Variants in TSPAN31 observed in about 807,000 individuals in gnomAD.
The protein encoded by TSPAN31 is tetraspanin-31.
In TSPAN31, 16 loss-of-function variants were observed where a neutral mutation model predicts 24.8. The ratio of observed to expected loss-of-function variants is 0.64; its 90% CI spans 0.44 to 0.98. TSPAN31 has a LOEUF of 0.98. Ranked by LOEUF, TSPAN31 falls within the 50% of genes least tolerant of loss-of-function variation. The probability of loss-of-function intolerance (pLI) is 0.00; values close to 1 mark genes in which losing one functional copy is unlikely to be tolerated. For missense variants in TSPAN31, 209 were observed against 251.6 expected, an observed-to-expected ratio of 0.83 and a Z score of 1.15; for synonymous variants, 87 against 91.4, an observed-to-expected ratio of 0.95 and a Z score of 0.27.
rs1005616471 is a variant in TSPAN31, at chr12:57,747,406, A to G, written c.*116A>G. The G allele has an allele frequency of 5.9e-6, 5 of 841,570 alleles. No homozygotes were observed. In the Admixed American group the frequency reaches 1.3e-4, roughly 22 times the overall value. The allele number at this position is 841,570 out of a possible 1,614,324, so 52.1% of individuals were successfully genotyped here. A position where few individuals can be genotyped will look rare whatever the true frequency, so the allele number is the denominator to read the frequency against. On this transcript the variant is annotated 3_prime_UTR_variant, in exon 6 of 6. Transcript: ENST00000257910. The stretch of plus-strand genomic sequence containing the variant: ...TGAGAAAAAGGAAAGGCCCCTTGTC[A>G]CATCCTCTAAAATTGATGGAATAGC...
At chr12:57,745,375 A>C in intron 1 of TSPAN31, 158 bp downstream of exon 1, 1 of 654,648 alleles carries the variant, frequency 1.5e-6, no homozygotes, top group Non-Finnish European at 2.5e-6. Context: ...CGTGGGAGAG[A>C]GGAGACTTCC....
chr12:57,747,155 A>G, intron 5 of TSPAN31, 24 bp downstream of exon 5: 1 of 1,612,376 alleles, frequency 6.2e-7, no homozygotes, highest in Non-Finnish European at 8.5e-7. Context: ...GTTCCCTCAC[A>G]CACATCCTTT....
At position 57,745,922 on chromosome 12, in the gene TSPAN31, C is replaced by T; in HGVS notation, c.231+10C>T. ...AGTCCTGCTGTTCTTTGTATCCTGACCTGAAGTGATGGGGGCAACCGGGGG... is the reference window on the plus strand; with the variant it reads ...AGTCCTGCTGTTCTTTGTATCCTGATCTGAAGTGATGGGGGCAACCGGGGG... On this transcript the variant is annotated intron_variant, in intron 2 of 5. Transcript: ENST00000257910. 4.4e-6 allele frequency: 7 copies of T among 1,589,646 alleles called. No individual in the cohort carries two copies. The highest frequency in any genetic ancestry group is 5.1e-6 in the Non-Finnish European group (6 of 1,168,522).
rs187063267 is a variant in TSPAN31, at chr12:57,747,724, A to G, written c.*434A>G. 1 of 161,924 alleles carries G rather than the reference A, an allele frequency of 6.2e-6. No individual in the cohort carries two copies. Among genetic ancestry groups the G allele is most frequent in the Admixed American group, 6.2e-5 (1 of 16,026 alleles). 10.0% of individuals were successfully genotyped at this position (161,924 alleles called of 1,614,324 possible). ...AGAAAGTTTAGCGAATATAAAAGTAAAAGCCATTTAAAAATCTATATTCTT... is the reference window on the plus strand; with the variant it reads ...AGAAAGTTTAGCGAATATAAAAGTAGAAGCCATTTAAAAATCTATATTCTT... On this transcript the variant is annotated 3_prime_UTR_variant, in exon 6 of 6. Coordinates refer to ENST00000257910, the MANE Select transcript of TSPAN31 (RefSeq NM_005981.5).
In TSPAN31 at chr12:57,749,413, C is replaced by G. The variant is rs775105319; in HGVS notation, c.*2123C>G. 3.7e-6 allele frequency: 6 copies of G among 1,613,394 alleles called. No individual in the cohort carries two copies. Among genetic ancestry groups the G allele is most frequent in the Non-Finnish European group, 4.2e-6 (5 of 1,179,416 alleles). Reference sequence around the variant, plus strand: ...CATCCTGGGTTCAGCAGAAAGAGGACTCAGAATAGAAAATCTTTTTCTCCC... The same window carrying G: ...CATCCTGGGTTCAGCAGAAAGAGGAGTCAGAATAGAAAATCTTTTTCTCCC... On this transcript the variant is annotated 3_prime_UTR_variant, in exon 6 of 6. Coordinates refer to ENST00000257910, the MANE Select transcript of TSPAN31 (RefSeq NM_005981.5).
rs761666298 is a variant in TSPAN31, at chr12:57,746,218, A to T, written c.274A>T (p.Ile92Phe). ...LGLVFIFQFV[I>F]SCSCLAINRS... The stretch of plus-strand genomic sequence containing the variant: ...TTTGGTCTTCATCTTCCAATTTGTA[A>T]TCTCTTGCTCATGTCTGGCTATTAA... Residue 92 changes from isoleucine (I) to phenylalanine (F), a missense_variant, in exon 3 of 6, where the codon ATC becomes TTC. Transcript: ENST00000257910. 6.2e-7 allele frequency: 1 copy of T among 1,614,100 alleles called. No homozygotes were observed. The highest frequency in any genetic ancestry group is 8.5e-7 in the Non-Finnish European group (1 of 1,179,994).
chr12:57,745,549 C>T, intron 1 of TSPAN31, 196 bp from the exon 2 acceptor site: 1 of 667,300 alleles, frequency 1.5e-6, no homozygotes, highest in South Asian at 2.0e-5. Flanking sequence ...CTGCCACCCC[C>T]TCCCCGCCAT....
chr12:57,746,967 C>A, intron 4 of TSPAN31, 51 bp from the exon 5 acceptor site: 2 of 1,524,906 alleles, frequency 1.3e-6, no homozygotes, highest in South Asian at 2.3e-5. Context: ...AGGTATTAGT[C>A]ACTAGCAACT....
rs758102242 is a variant in TSPAN31, at chr12:57,748,475, C to A, written c.*1185C>A. The A allele has an allele frequency of 7.4e-7, 1 of 1,350,794 alleles. No homozygotes were observed. Among genetic ancestry groups the A allele is most frequent in the South Asian group, 1.2e-5 (1 of 85,538 alleles). 83.7% of individuals were successfully genotyped at this position (1,350,794 alleles called of 1,614,324 possible). A position where few individuals can be genotyped will look rare whatever the true frequency, so the allele number is the denominator to read the frequency against. On this transcript the variant is annotated 3_prime_UTR_variant, in exon 6 of 6. Transcript: ENST00000257910. ...AGGCAAAGATTGCCCTCTCAGTGTCCAGAAGGGAAATGGCAGCTTTTCTTC... is the reference window on the plus strand; with the variant it reads ...AGGCAAAGATTGCCCTCTCAGTGTCAAGAAGGGAAATGGCAGCTTTTCTTC...
chr12:57,746,817 C>T (rs775490559), intron 4 of TSPAN31, 97 bp downstream of exon 4: 249 of 1,554,176 alleles, frequency 1.6e-4, no homozygotes, highest in Non-Finnish European at 2.0e-4. Flanking sequence ...GTCATTGTTT[C>T]TCTCTCTACA....
chr12:57,745,661 G>T (rs1955138316), intron 1 of TSPAN31, 84 bp from the exon 2 acceptor site: 2 of 1,541,276 alleles, frequency 1.3e-6, no homozygotes, highest in Non-Finnish European at 1.8e-6. Context: ...CCTTCCCCCT[G>T]CCCCGCTCCC....
At position 57,747,529 on chromosome 12, in the gene TSPAN31, C is replaced by T; in HGVS notation, c.*239C>T. Reference sequence around the variant, plus strand: ...CTCTCCAAGAGGATATGGGAAGCTTCTGTGAGTGCATAGGATGGGGGCTGG... The same window carrying T: ...CTCTCCAAGAGGATATGGGAAGCTTTTGTGAGTGCATAGGATGGGGGCTGG... On this transcript the variant is annotated 3_prime_UTR_variant, in exon 6 of 6. Transcript: ENST00000257910. The T allele has an allele frequency of 4.3e-6, 2 of 468,512 alleles. No individual in the cohort carries two copies. The highest frequency in any genetic ancestry group is 7.7e-6 in the Non-Finnish European group (2 of 259,610). 29.0% of individuals were successfully genotyped at this position (468,512 alleles called of 1,614,324 possible). A position where few individuals can be genotyped will look rare whatever the true frequency, so the allele number is the denominator to read the frequency against.
chr12:57,746,570 C>G lies in TSPAN31; in HGVS notation c.313-19C>G. ...CAGGATGTAGGGAGACTTAATTTCC[C>G]TCTACCCATATCTTTCAGACAGATG... is the stretch of plus-strand genomic sequence containing the variant. On this transcript the variant is annotated intron_variant, in intron 3 of 5. Transcript: ENST00000257910. The G allele has an allele frequency of 1.2e-6, 2 of 1,613,994 alleles. No homozygotes were observed. The highest frequency in any genetic ancestry group is 2.2e-5 in the South Asian group (2 of 91,040).
In TSPAN31 at chr12:57,745,825, A is replaced by T; in HGVS notation, c.144A>T (p.Gly48=). 1 of 1,614,038 alleles carries T rather than the reference A, an allele frequency of 6.2e-7. No homozygotes were observed. The highest frequency in any genetic ancestry group is 1.1e-5 in the South Asian group (1 of 91,078). ...TGTCCAGCATCCACATCATCGGCGG[A>T]GTCATTGCTGTGGGAGTCTTCCTTC... ...GLVSSIHIIG[G]VIAVGVFLLL... The change falls in exon 2 of 6, where the codon GGA becomes GGT. Residue 48 remains glycine (G), a synonymous_variant. Coordinates refer to ENST00000257910, the MANE Select transcript of TSPAN31 (RefSeq NM_005981.5).
intron 1 of TSPAN31, 126 bp downstream of exon 1, chr12:57,745,343 C>T: frequency 9.4e-7 from 1 of 1,058,410 alleles, no homozygotes; most frequent in South Asian, 1.5e-5. Flanking sequence ...CTTCCGGCGA[C>T]GAGGGAATTC....
At position 57,746,220 on chromosome 12, in the gene TSPAN31, C is replaced by T. The variant is rs199684487; in HGVS notation, c.276C>T (p.Ile92=). 4.3e-6 allele frequency: 7 copies of T among 1,614,048 alleles called. No individual in the cohort carries two copies. Among genetic ancestry groups the T allele is most frequent in the Admixed American group, 3.3e-5 (2 of 60,014 alleles). Residue 92 remains isoleucine (I), a synonymous_variant, in exon 3 of 6, where the codon ATC becomes ATT. Transcript: ENST00000257910. ...LGLVFIFQFV[I]SCSCLAINRS... ...TGGTCTTCATCTTCCAATTTGTAAT[C>T]TCTTGCTCATGTCTGGCTATTAACC...
rs1439384781 is a variant in TSPAN31 at position 57,749,281 on chromosome 12, T to C, written c.*1991T>C. 1 of 1,614,150 alleles carries C rather than the reference T, an allele frequency of 6.2e-7. No individual in the cohort carries two copies. The highest frequency in any genetic ancestry group is 1.7e-5 in the Admixed American group (1 of 60,016). On this transcript the variant is annotated 3_prime_UTR_variant, in exon 6 of 6. Transcript: ENST00000257910. ...AGGCTCCACGGGGCAGGGATACATC[T>C]CGAGGCCAGTCATCCTCTGGAGGCA...
Position 57,748,829 on chromosome 12 carries a change from C to T in TSPAN31, c.*1539C>T, listed in dbSNP as rs542908943. 153 of 568,050 alleles carry T rather than the reference C, an allele frequency of 2.7e-4. 1 individual carries two copies. In the East Asian group the frequency reaches 4.6e-3, roughly 17 times the overall value. 35.2% of individuals were successfully genotyped at this position (568,050 alleles called of 1,614,324 possible). ...GAAGTGATTCTCCTATCTCAGCCTC[C>T]CAAGTAGCTGAGATTACAGGCGTGT... On this transcript the variant is annotated 3_prime_UTR_variant, in exon 6 of 6. Transcript: ENST00000257910.
chr12:57,749,859 T>C lies in TSPAN31; in HGVS notation c.*2569T>C, dbSNP rs1955212028. On this transcript the variant is annotated 3_prime_UTR_variant, in exon 6 of 6. Transcript: ENST00000257910. ...TAAAAGTACAAAAATTAGCTGAGCA[T>C]GGTGGCGTGCACCTGTGGTCCCAGC... is the stretch of plus-strand genomic sequence containing the variant. The C allele has an allele frequency of 5.8e-6, 2 of 345,034 alleles. No homozygotes were observed. The highest frequency in any genetic ancestry group is 4.2e-5 in the Admixed American group (1 of 23,828). 21.4% of individuals were successfully genotyped at this position (345,034 alleles called of 1,614,324 possible). A position where few individuals can be genotyped will look rare whatever the true frequency, so the allele number is the denominator to read the frequency against.
Sources: gnomAD v4.1 joint callset for allele counts on GRCh38, gnomAD v4.1.1 for gene constraint, MANE v1.5 for transcripts, NCBI Gene and HGNC (gene_info 2026-07-23, HGNC 2026-07-21) for gene names.